The following ROR2 variants were observed in gnomAD, a reference collection of about 807,000 sequenced individuals.
ROR2 encodes ROR family WNT receptor 2, also known as tyrosine-protein kinase transmembrane receptor ROR2.
Under a neutral mutation model 74.9 loss-of-function variants are expected in ROR2, and 33 were observed. The ratio of observed to expected loss-of-function variants is 0.44; its 90% CI spans 0.33 to 0.59. The LOEUF is 0.59. ROR2 is among the 20% of genes least tolerant of loss of function. The pLI is 0.02. For missense variants in ROR2, 1,216 were observed against 1,313.8 expected, an observed-to-expected ratio of 0.93 and a Z score of 1.15; for synonymous variants, 586 against 558.7, an observed-to-expected ratio of 1.05 and a Z score of -0.69.
intron 1 of ROR2, among the ~76,000 whole-genome samples, chr9:91,777,456 G>A (rs1826459393): frequency 1.3e-5 from 2 of 151,728 alleles, no homozygotes. Flanking sequence ...TAGTTATCTG[G>A]AATTATAGGT....
chr9:91,725,158 G>A, intron 8 of ROR2, 51 bp from the exon 9 acceptor site: 2 of 1,607,936 alleles, frequency 1.2e-6, no homozygotes, highest in Non-Finnish European at 1.7e-6. Context: ...CGCAGCCCTG[G>A]AGGAAGCTGC....
chr9:91,773,157 C>T (rs865798807), intron 2 of ROR2, among the ~76,000 whole-genome samples: 2 of 152,186 alleles, frequency 1.3e-5, no homozygotes, highest in Non-Finnish European at 2.9e-5. Context: ...GGCACAGCCC[C>T]GCCCCAGGCC....
At chr9:91,755,370 C>A (rs1413422563) in intron 4 of ROR2, among the ~76,000 whole-genome samples, 1 of 152,236 alleles carries the variant, frequency 6.6e-6, no homozygotes, top group Non-Finnish European at 1.5e-5. Context: ...TGAAGCACTG[C>A]TCTCCAATAT....
At chr9:91,759,863 T>C (rs1424226112) in intron 2 of ROR2, among the ~76,000 whole-genome samples, 1 of 152,186 alleles carries the variant, frequency 6.6e-6, no homozygotes, top group African/African-American at 2.4e-5. Flanking sequence ...TCACATTATA[T>C]TGGAAGCTCA....
In ROR2 at chr9:91,730,795, G is replaced by T. The variant is rs539627703; in HGVS notation, c.1183+115C>A. ...AATGGTCACTGTGGTAAGATCAGGGGTCTCTGGTCGCCACCGTACAGAGGC... is the reference window on the plus strand; with the variant it reads ...AATGGTCACTGTGGTAAGATCAGGGTTCTCTGGTCGCCACCGTACAGAGGC... On this transcript the variant is annotated intron_variant, in intron 7 of 8. Transcript: ENST00000375708. 26 of 1,366,508 alleles carry T rather than the reference G, an allele frequency of 1.9e-5. No individual in the cohort carries two copies. The African/African-American group carries it at 3.4e-4, about 18-fold the overall frequency. The allele number at this position is 1,366,508 out of a possible 1,614,324, so 84.6% of individuals were successfully genotyped here. A position where few individuals can be genotyped will look rare whatever the true frequency, so the allele number is the denominator to read the frequency against.
At chr9:91,764,164 T>C (rs1217259464) in intron 2 of ROR2, among the ~76,000 whole-genome samples, 14 of 152,238 alleles carry the variant, frequency 9.2e-5, no homozygotes, top group Admixed American at 8.5e-4. Context: ...ATTTGGTCCA[T>C]ACATCACTAA....
At chr9:91,843,357 G>C (rs1021007165) in intron 1 of ROR2, among the ~76,000 whole-genome samples, 11 of 152,324 alleles carry the variant, frequency 7.2e-5, no homozygotes, top group Admixed American at 6.5e-4. Context: ...GGCAGGTCAG[G>C]TGCATGACCA....
intron 1 of ROR2, among the ~76,000 whole-genome samples, chr9:91,889,932 C>T (rs1830384085): frequency 6.6e-6 from 1 of 152,076 alleles, no homozygotes; most frequent in Admixed American, 6.5e-5. Context: ...ATAATATTAG[C>T]GGGGAGGGGG....
At chr9:91,761,120 G>A (rs1825901136) in intron 2 of ROR2, among the ~76,000 whole-genome samples, 2 of 152,214 alleles carry the variant, frequency 1.3e-5, no homozygotes, top group Non-Finnish European at 2.9e-5. Flanking sequence ...ATATCCATGT[G>A]ACACGGGCTG....
At chr9:91,880,143 C>A (rs146677632) in intron 1 of ROR2, among the ~76,000 whole-genome samples, 1 of 152,080 alleles carries the variant, frequency 6.6e-6, no homozygotes, top group East Asian at 1.9e-4. Context: ...GGCCCCAATG[C>A]AGTATGACTT....
At chr9:91,799,892 A>G (rs1829792251) in intron 1 of ROR2, among the ~76,000 whole-genome samples, 1 of 152,182 alleles carries the variant, frequency 6.6e-6, no homozygotes, top group East Asian at 1.9e-4. Context: ...ACCCAGCTCT[A>G]GCCCCAGGTG....
chr9:91,848,700 A>C (rs62564597), intron 1 of ROR2, among the ~76,000 whole-genome samples: 40,186 of 148,400 alleles, frequency 0.27, 5,705 homozygotes, highest in Admixed American at 0.43. Context: ...GGTTGCAGTG[A>C]GCTGAGATCG....
intron 1 of ROR2, among the ~76,000 whole-genome samples, chr9:91,816,541 C>G (rs1017445796): frequency 6.6e-6 from 1 of 152,120 alleles, no homozygotes; most frequent in East Asian, 1.9e-4. Context: ...CCAGCCTGGA[C>G]CTGATCTCCT....
chr9:91,900,497 G>A (rs1420038162), intron 1 of ROR2, among the ~76,000 whole-genome samples: 2 of 152,378 alleles, frequency 1.3e-5, no homozygotes, highest in African/African-American at 4.8e-5. Flanking sequence ...GGGCCTGCAC[G>A]TGGGACCCGC....
intron 1 of ROR2, among the ~76,000 whole-genome samples, chr9:91,817,684 T>G (rs1437551585): frequency 6.6e-6 from 1 of 152,196 alleles, no homozygotes; most frequent in Non-Finnish European, 1.5e-5. Flanking sequence ...TCCTGGGTCC[T>G]GCAGTCCTAT....
chr9:91,886,223 G>A (rs1830267227), intron 1 of ROR2, among the ~76,000 whole-genome samples: 1 of 152,126 alleles, frequency 6.6e-6, no homozygotes, highest in African/African-American at 2.4e-5. Context: ...ACATAAAGAT[G>A]CCATCTTAAA....
At chr9:91,847,041 AG>A (rs1349256553) in intron 1 of ROR2, among the ~76,000 whole-genome samples, 4 of 152,112 alleles carry the variant, frequency 2.6e-5, no homozygotes, top group African/African-American at 4.8e-5. Context: ...GCACATGCAA[AG>A]GCTCACAGAC....
At position 91,949,494 on chromosome 9, in the gene ROR2, C is replaced by G. The variant is rs1383801970; in HGVS notation, c.97+373G>C. ...GGAGGAAGACCTCGGGGAGGAAGCCCGGGTCCTGGGACCCTCGGGGCACAT... is the reference window on the plus strand; with the variant it reads ...GGAGGAAGACCTCGGGGAGGAAGCCGGGGTCCTGGGACCCTCGGGGCACAT... On this transcript the variant is annotated intron_variant, in intron 1 of 8. Transcript: ENST00000375708. 1.3e-5 allele frequency among the ~76,000 whole-genome samples: 2 copies of G among 151,980 alleles called. 1 individual carries two copies. Among genetic ancestry groups the G allele is most frequent in the Admixed American group, 1.3e-4 (2 of 15,274 alleles).
chr9:91,726,514 C>G, intron 8 of ROR2, 27 bp downstream of exon 8: 1 of 1,606,302 alleles, frequency 6.2e-7, no homozygotes, highest in Non-Finnish European at 8.5e-7. Context: ...AAGAGCCACC[C>G]GGGTAGAAAA....
Sources: allele counts gnomAD v4.1 joint callset (sites outside exome capture counted in the v4.1 genomes callset), GRCh38; gene constraint gnomAD v4.1.1; transcripts MANE v1.5; gene names NCBI Gene and HGNC (gene_info 2026-07-23, HGNC 2026-07-21).